The following NTRK2 variants were observed in gnomAD, a reference collection of about 807,000 sequenced individuals.
NTRK2 encodes the protein BDNF/NT-3 growth factors receptor.
In NTRK2, 13 loss-of-function variants were observed where a neutral mutation model predicts 94.5. The observed-to-expected ratio is 0.14, with a 90% CI of 0.09 to 0.22. NTRK2 has a LOEUF of 0.22. NTRK2 is among the 10% of genes least tolerant of loss of function. The pLI is 1.00. For synonymous variants in NTRK2, 372 were observed against 407.4 expected, an observed-to-expected ratio of 0.91 and a Z score of 1.05; for missense variants, 639 against 1,071.2, an observed-to-expected ratio of 0.60 and a Z score of 5.63.
intron 17 of NTRK2, among the ~76,000 whole-genome samples, chr9:85,002,793 AG>A (rs1203321973): frequency 4.6e-5 from 7 of 152,232 alleles, no homozygotes; most frequent in Non-Finnish European, 1.0e-4. Flanking sequence ...TTCTGCAAGT[AG>A]GGCAGGGACA....
intron 14 of NTRK2, 77 bp from the exon 15 acceptor site, chr9:84,934,085 A>C (rs2132715547): frequency 1.9e-6 from 3 of 1,548,436 alleles, no homozygotes; most frequent in Non-Finnish European, 2.7e-6. Flanking sequence ...GCTCAGGTAC[A>C]GGCCACCAAC....
In NTRK2 at chr9:85,025,698, C is replaced by G; in HGVS notation, c.*4261C>G. 4.3e-6 allele frequency: 1 copy of G among 233,198 alleles called. No individual in the cohort carries two copies. The highest frequency in any genetic ancestry group is 6.0e-5 in the East Asian group (1 of 16,568). The allele number at this position is 233,198 out of a possible 1,614,324, so 14.4% of individuals were successfully genotyped here. On this transcript the variant is annotated 3_prime_UTR_variant, in exon 19 of 19. Transcript: ENST00000277120. The stretch of plus-strand genomic sequence containing the variant: ...GCTTCCCCATTTTCTTTTTCATCCC[C>G]TGTCTCAGGACTTTTATTTTCAATG...
chr9:84,696,243 A>AGCTTCCTGCCTTG (rs547740004), intron 2 of NTRK2, among the ~76,000 whole-genome samples: 80 of 152,346 alleles, frequency 5.3e-4, no homozygotes, highest in African/African-American at 1.8e-3. Context: ...CCTGGACTCA[A>AGCTTCCTGCCTTG]GCCTCCTGCC....
chr9:84,683,254 A>G (rs1261930825), intron 2 of NTRK2, among the ~76,000 whole-genome samples: 1 of 152,148 alleles, frequency 6.6e-6, no homozygotes, highest in Non-Finnish European at 1.5e-5. Context: ...TACATGTGTC[A>G]TGGTGGTTTG....
chr9:84,816,568 C>T (rs1367270540), intron 12 of NTRK2, among the ~76,000 whole-genome samples: 3 of 151,776 alleles, frequency 2.0e-5, no homozygotes, highest in South Asian at 2.1e-4. Context: ...ATCATGAGGT[C>T]GAGAGTTCAA....
intron 14 of NTRK2, among the ~76,000 whole-genome samples, chr9:84,880,216 C>A (rs2076213718): frequency 6.6e-6 from 1 of 152,070 alleles, no homozygotes; most frequent in Non-Finnish European, 1.5e-5. Flanking sequence ...ACTTGATATC[C>A]AAGAAAAGAA....
chr9:84,812,491 G>A (rs1021456015), intron 12 of NTRK2: 14 of 1,048,374 alleles, frequency 1.3e-5, no homozygotes, highest in East Asian at 5.5e-5. Flanking sequence ...TTTCTTGTTC[G>A]CGGCTAAATG....
intron 14 of NTRK2, among the ~76,000 whole-genome samples, chr9:84,910,924 T>G (rs1266500686): frequency 3.3e-5 from 5 of 152,232 alleles, no homozygotes; most frequent in African/African-American, 1.2e-4. Flanking sequence ...GTTGTCAATA[T>G]CTACAAAAGA....
intron 12 of NTRK2, among the ~76,000 whole-genome samples, chr9:84,828,219 A>T (rs1160282685): frequency 6.6e-6 from 1 of 152,184 alleles, no homozygotes; most frequent in Non-Finnish European, 1.5e-5. Flanking sequence ...AAGTCTAGAG[A>T]TGTTTGTTTT....
At chr9:84,867,212 C>T (rs2132055375) in intron 13 of NTRK2, 31 bp from the exon 14 acceptor site, 3 of 1,605,166 alleles carry the variant, frequency 1.9e-6, no homozygotes, top group Non-Finnish European at 2.6e-6. Flanking sequence ...CCATTGATTA[C>T]AGGAGAATAT....
At chr9:84,880,889 A>T (rs1466788032) in intron 14 of NTRK2, among the ~76,000 whole-genome samples, 1 of 152,242 alleles carries the variant, frequency 6.6e-6, no homozygotes, top group Non-Finnish European at 1.5e-5. Flanking sequence ...CATAGTTTGG[A>T]GTATGAATTA....
intron 15 of NTRK2, among the ~76,000 whole-genome samples, chr9:84,944,250 C>T (rs1174928980): frequency 1.3e-5 from 2 of 150,742 alleles, no homozygotes. Flanking sequence ...CACACACACA[C>T]ACAGTCTAGC....
chr9:84,760,944 G>C (rs375016591), intron 12 of NTRK2, among the ~76,000 whole-genome samples: 44 of 152,298 alleles, frequency 2.9e-4, no homozygotes, highest in African/African-American at 8.4e-4. Flanking sequence ...AAGAGGGATT[G>C]TCAAGAAATT....
At chr9:84,939,758 A>G (rs566703873) in intron 15 of NTRK2, among the ~76,000 whole-genome samples, 1 of 152,200 alleles carries the variant, frequency 6.6e-6, no homozygotes, top group Non-Finnish European at 1.5e-5. Flanking sequence ...CTAGAAATCC[A>G]TGCTACTAGA....
chr9:84,917,985 C>T (rs2077447209), intron 14 of NTRK2, among the ~76,000 whole-genome samples: 2 of 152,136 alleles, frequency 1.3e-5, no homozygotes, highest in African/African-American at 4.8e-5. Context: ...TGTGCCCACA[C>T]ACCGAAATCA....
intron 9 of NTRK2, among the ~76,000 whole-genome samples, chr9:84,731,463 A>T (rs991751438): frequency 2.1e-4 from 32 of 152,208 alleles, no homozygotes; most frequent in Non-Finnish European, 2.6e-4. Context: ...AATAATTTTT[A>T]AAAAAGAACT....
At chr9:84,815,116 A>T (rs1415089526) in intron 12 of NTRK2, 1 of 1,057,516 alleles carries the variant, frequency 9.5e-7, no homozygotes, top group Non-Finnish European at 1.1e-6. Flanking sequence ...TTCCCACTAA[A>T]GTCAGTCCAT....
chr9:84,988,748 C>T (rs1224508197), intron 17 of NTRK2, among the ~76,000 whole-genome samples: 1 of 152,190 alleles, frequency 6.6e-6, no homozygotes, highest in East Asian at 1.9e-4. Context: ...CTTGCCTGTG[C>T]TACAGGAAGG....
At chr9:84,851,303 A>C (rs2074754690) in intron 12 of NTRK2, among the ~76,000 whole-genome samples, 1 of 152,234 alleles carries the variant, frequency 6.6e-6, no homozygotes, top group African/African-American at 2.4e-5. Flanking sequence ...CATCAAGGAA[A>C]GAAATGCAGT....
Sources: allele counts gnomAD v4.1 joint callset (sites outside exome capture counted in the v4.1 genomes callset), GRCh38; gene constraint gnomAD v4.1.1; transcripts MANE v1.5; gene names NCBI Gene and HGNC (gene_info 2026-07-23, HGNC 2026-07-21).